Variants in GLI2 observed in about 807,000 individuals in gnomAD.
GLI2 encodes GLI family zinc finger 2, also known as transcription activator GLI2.
GLI2 carries 22 observed loss-of-function variants against 78.9 expected under a neutral mutation model. The ratio of observed to expected loss-of-function variants is 0.28; its 90% confidence interval spans 0.20 to 0.40. The LOEUF (loss-of-function observed/expected upper bound fraction) is 0.40. Ranked by LOEUF, GLI2 falls within the 10% of genes least tolerant of loss-of-function variation. The pLI, the probability that GLI2 is intolerant of heterozygous loss-of-function variation, is 1.00. For missense variants in GLI2, 2,097 were observed against 2,213.2 expected, an observed-to-expected ratio of 0.95 and a Z score of 1.05; for synonymous variants, 974 against 963.7, an observed-to-expected ratio of 1.01 and a Z score of -0.20.
chr2:120,977,931 A>G (rs771584978), intron 9 of GLI2, among the ~76,000 whole-genome samples: 1 of 152,234 alleles, frequency 6.6e-6, no homozygotes, highest in Non-Finnish European at 1.5e-5. Context: ...TTGAAACAAA[A>G]TATGTTATTT....
At chr2:120,903,033 A>C (rs1678343216) in intron 2 of GLI2, among the ~76,000 whole-genome samples, 1 of 152,128 alleles carries the variant, frequency 6.6e-6, no homozygotes, top group South Asian at 2.1e-4. Context: ...CATTTATTGA[A>C]GCCAGTTCTC....
At chr2:120,828,953 G>C (rs1208017825) in intron 2 of GLI2, among the ~76,000 whole-genome samples, 1 of 151,210 alleles carries the variant, frequency 6.6e-6, no homozygotes, top group Non-Finnish European at 1.5e-5. Context: ...GCTAGGCCCA[G>C]GGCTCTTGGA....
intron 5 of GLI2, among the ~76,000 whole-genome samples, chr2:120,964,118 C>T (rs1681720588): frequency 6.6e-6 from 1 of 152,186 alleles, no homozygotes; most frequent in Non-Finnish European, 1.5e-5. Context: ...GATGAAAGCT[C>T]ACCCCCACCC....
intron 2 of GLI2, among the ~76,000 whole-genome samples, chr2:120,870,871 A>C (rs1217854630): frequency 6.6e-6 from 1 of 152,192 alleles, no homozygotes; most frequent in Non-Finnish European, 1.5e-5. Context: ...CCTTCAGTCC[A>C]GCAAGCAGCC....
intron 1 of GLI2, among the ~76,000 whole-genome samples, chr2:120,741,983 C>T (rs1682561050): frequency 6.6e-6 from 1 of 152,226 alleles, no homozygotes; most frequent in Non-Finnish European, 1.5e-5. Context: ...GAGGGGCGCC[C>T]CGGGTCTTCC....
chr2:120,969,242 A>T (rs1682018642), intron 6 of GLI2, among the ~76,000 whole-genome samples: 3 of 152,210 alleles, frequency 2.0e-5, no homozygotes, highest in Admixed American at 6.5e-5. Flanking sequence ...AACCTTGGAG[A>T]CCACACAAAA....
chr2:120,770,464 G>A lies in GLI2; in HGVS notation c.-30-26827G>A, dbSNP rs1176502583. 2.6e-5 allele frequency among the ~76,000 whole-genome samples: 4 copies of A among 152,238 alleles called. 1 individual carries two copies. The highest frequency in any genetic ancestry group is 6.5e-5 in the Admixed American group (1 of 15,294). ...GTGTGTGTGTCTCATCTTGGTGCCT[G>A]ATGCAGGCATCAGGGGACCCAGGAG... On this transcript the variant is annotated intron_variant, in intron 1 of 13. Coordinates refer to ENST00000361492, the MANE Select transcript of GLI2 (RefSeq NM_001374353.1).
intron 2 of GLI2, among the ~76,000 whole-genome samples, chr2:120,822,291 A>G (rs11122822): frequency 0.52 from 78,419 of 152,126 alleles, 20,336 homozygotes; most frequent in Middle Eastern, 0.64. Flanking sequence ...CCCTGGACCC[A>G]GCAGTGTGCT....
At chr2:120,772,461 CA>C (rs1202377467) in intron 1 of GLI2, among the ~76,000 whole-genome samples, 1 of 152,218 alleles carries the variant, frequency 6.6e-6, no homozygotes, top group African/African-American at 2.4e-5. Context: ...GCCTCGCAGC[CA>C]GGGAGCACAC....
chr2:120,849,126 G>T (rs1347229022), intron 2 of GLI2, among the ~76,000 whole-genome samples: 5 of 152,188 alleles, frequency 3.3e-5, no homozygotes, highest in Non-Finnish European at 7.3e-5. Flanking sequence ...GGCCCCTAGG[G>T]TAGTCAAATT....
chr2:120,767,069 C>T (rs13420246), intron 1 of GLI2, among the ~76,000 whole-genome samples: 1,652 of 152,260 alleles, frequency 0.011, 22 homozygotes, highest in African/African-American at 0.037. Flanking sequence ...ATGTGAAGTG[C>T]GAAATTGCCG....
chr2:120,758,948 A>T (rs1306703065), intron 1 of GLI2, among the ~76,000 whole-genome samples: 1 of 152,116 alleles, frequency 6.6e-6, no homozygotes, highest in Admixed American at 6.5e-5. Context: ...CCTCTGGAGG[A>T]AGTGGACACG....
Position 120,988,432 on chromosome 2 carries a change from C to A in GLI2, c.2467C>A (p.Pro823Thr). The A allele has an allele frequency of 1.3e-6, 2 of 1,574,500 alleles. No individual in the cohort carries two copies. Among genetic ancestry groups the A allele is most frequent in the Non-Finnish European group, 1.7e-6 (2 of 1,170,052 alleles). ...CAGCCGCCGCTCCAGCGAGGCCTCG[C>A]CCCTGGGCGCCGGCCGCCCGCACAA... Reference protein sequence around the residue: ...FSSRRSSEASPLGAGRPHNAS... With the variant: ...FSSRRSSEASTLGAGRPHNAS... Residue 823 changes from proline (P) to threonine (T), a missense_variant, in exon 14 of 14, where the codon CCC becomes ACC. By Grantham distance (38) the Pro-to-Thr change is conservative. Coordinates refer to ENST00000361492, the MANE Select transcript of GLI2 (RefSeq NM_001374353.1).
intron 2 of GLI2, among the ~76,000 whole-genome samples, chr2:120,807,898 C>T (rs985076214): frequency 1.3e-5 from 2 of 152,096 alleles, no homozygotes; most frequent in East Asian, 1.9e-4. Context: ...GGCTTCTTCT[C>T]CTTCTGGGTG....
intron 2 of GLI2, among the ~76,000 whole-genome samples, chr2:120,902,597 A>T (rs1179283026): frequency 6.6e-6 from 1 of 152,152 alleles, no homozygotes; most frequent in Non-Finnish European, 1.5e-5. Flanking sequence ...GTTGTAGATG[A>T]TGGCCAAAAT....
At chr2:120,940,115 G>C (rs545332797) in intron 3 of GLI2, among the ~76,000 whole-genome samples, 1 of 152,218 alleles carries the variant, frequency 6.6e-6, no homozygotes, top group East Asian at 1.9e-4. Context: ...TTTTCTATGA[G>C]GTCGTCTTTT....
intron 2 of GLI2, among the ~76,000 whole-genome samples, chr2:120,836,031 A>G (rs1686594810): frequency 6.6e-6 from 1 of 152,180 alleles, no homozygotes; most frequent in Non-Finnish European, 1.5e-5. Flanking sequence ...ACAGTTTACT[A>G]TATGTTATTA....
intron 2 of GLI2, among the ~76,000 whole-genome samples, chr2:120,926,589 T>C (rs1679688886): frequency 6.6e-6 from 1 of 152,208 alleles, no homozygotes; most frequent in African/African-American, 2.4e-5. Context: ...CTAAAGCCTA[T>C]AATTATGTTT....
intron 2 of GLI2, among the ~76,000 whole-genome samples, chr2:120,875,681 G>C (rs1409890334): frequency 6.6e-6 from 1 of 152,104 alleles, no homozygotes; most frequent in Non-Finnish European, 1.5e-5. Context: ...TATAAATTCT[G>C]GGCGGTCAGG....
Sources: allele counts gnomAD v4.1 joint callset (sites outside exome capture counted in the v4.1 genomes callset), GRCh38; gene constraint gnomAD v4.1.1; transcripts MANE v1.5; gene names NCBI Gene and HGNC (gene_info 2026-07-23, HGNC 2026-07-21).